The following ANO3 variants were observed in gnomAD, a reference collection of about 807,000 sequenced individuals.
ANO3 encodes anoctamin 3, also known as anoctamin-3.
A neutral mutation model predicts 144.8 loss-of-function variants in ANO3; 99 were observed. The observed-to-expected ratio is 0.68, with a 90% CI of 0.58 to 0.81. The LOEUF (loss-of-function observed/expected upper bound fraction) is 0.81. ANO3 is among the 30% of genes least tolerant of loss of function. The probability of loss-of-function intolerance (pLI) is 0.00; values close to 1 mark genes in which losing one functional copy is unlikely to be tolerated. For missense variants in ANO3, 905 were observed against 1,202.2 expected, an observed-to-expected ratio of 0.75 and a Z score of 3.66; for synonymous variants, 414 against 392.6, an observed-to-expected ratio of 1.05 and a Z score of -0.64.
At chr11:26,417,729 A>C (rs1432346580) in intron 1 of ANO3, among the ~76,000 whole-genome samples, 1 of 152,030 alleles carries the variant, frequency 6.6e-6, no homozygotes, top group East Asian at 1.9e-4. Context: ...ATGATTTTTA[A>C]AAATGAAGGC....
intron 3 of ANO3, among the ~76,000 whole-genome samples, chr11:26,447,503 C>T (rs1031468641): frequency 1.3e-5 from 2 of 152,094 alleles, no homozygotes; most frequent in Non-Finnish European, 2.9e-5. Flanking sequence ...ACACTAGCCA[C>T]AAAGGCCTTA....
At chr11:26,568,313 G>A (rs1850677495) in intron 14 of ANO3, among the ~76,000 whole-genome samples, 1 of 151,978 alleles carries the variant, frequency 6.6e-6, no homozygotes, top group South Asian at 2.1e-4. Flanking sequence ...TGTAAGTAAT[G>A]TGTCCAAGGA....
intron 1 of ANO3, among the ~76,000 whole-genome samples, chr11:26,438,647 G>C (rs1399162771): frequency 2.0e-5 from 3 of 150,484 alleles, no homozygotes; most frequent in South Asian, 2.1e-4. Flanking sequence ...GCATGGTGGC[G>C]GGCACCTGCA....
intron 4 of ANO3, among the ~76,000 whole-genome samples, chr11:26,504,176 C>T (rs971189459): frequency 5.3e-5 from 8 of 152,312 alleles, no homozygotes; most frequent in African/African-American, 1.9e-4. Flanking sequence ...TAACTAATTG[C>T]GGTGCTACTA....
chr11:26,446,412 AC>A (rs1365709471), intron 3 of ANO3, among the ~76,000 whole-genome samples: 24 of 152,170 alleles, frequency 1.6e-4, no homozygotes, highest in Admixed American at 1.6e-3. Context: ...ACAGTTAACC[AC>A]TTTGAGCTGC....
intron 1 of ANO3, among the ~76,000 whole-genome samples, chr11:26,375,840 A>C (rs1252798925): frequency 6.6e-6 from 1 of 152,144 alleles, no homozygotes; most frequent in Non-Finnish European, 1.5e-5. Flanking sequence ...CATGAAAAGA[A>C]ACAAGCAGCA....
chr11:26,249,547 G>A (rs908734516), intron 1 of ANO3, among the ~76,000 whole-genome samples: 3 of 151,640 alleles, frequency 2.0e-5, no homozygotes, highest in Non-Finnish European at 4.4e-5. Context: ...TGGTGGTTGT[G>A]CTAAATTAAC....
At chr11:26,496,122 A>G (rs1488822910) in intron 4 of ANO3, among the ~76,000 whole-genome samples, 1 of 152,106 alleles carries the variant, frequency 6.6e-6, no homozygotes, top group Admixed American at 6.6e-5. Flanking sequence ...TTTTGACTTG[A>G]TATTTTGATT....
At chr11:26,577,819 A>G (rs1851029405) in intron 14 of ANO3, among the ~76,000 whole-genome samples, 1 of 152,196 alleles carries the variant, frequency 6.6e-6, no homozygotes, top group Non-Finnish European at 1.5e-5. Context: ...ATTTGCACCC[A>G]ATTGAGTATA....
At chr11:26,320,456 GA>G (rs891401482) in intron 1 of ANO3, among the ~76,000 whole-genome samples, 1 of 152,132 alleles carries the variant, frequency 6.6e-6, no homozygotes, top group African/African-American at 2.4e-5. Context: ...AAACTACAAA[GA>G]TGTTGTATGC....
chr11:26,230,732 G>A (rs1852372907), intron 1 of ANO3, among the ~76,000 whole-genome samples: 2 of 133,354 alleles, frequency 1.5e-5, no homozygotes, highest in African/African-American at 2.8e-5. Flanking sequence ...AGAAGACAGA[G>A]GTTGCAGTGA....
intron 15 of ANO3, 81 bp from the exon 16 acceptor site, chr11:26,598,777 A>G: frequency 7.1e-7 from 1 of 1,417,918 alleles, no homozygotes; most frequent in Non-Finnish European, 9.5e-7. Flanking sequence ...GGCCAAATTT[A>G]GGAGTATCGT....
chr11:26,508,326 G>T (rs577138251), intron 5 of ANO3, 64 bp downstream of exon 5: 2 of 1,442,402 alleles, frequency 1.4e-6, no homozygotes, highest in Non-Finnish European at 1.9e-6. Context: ...ATCACTTATG[G>T]TTTAGAAAGA....
intron 1 of ANO3, among the ~76,000 whole-genome samples, chr11:26,399,558 G>A (rs1391296064): frequency 6.6e-6 from 1 of 151,640 alleles, no homozygotes; most frequent in Non-Finnish European, 1.5e-5. Context: ...TCTGGGAGTG[G>A]CAGGGAGCTC....
At chr11:26,269,502 G>A (rs765039929) in intron 1 of ANO3, among the ~76,000 whole-genome samples, 5 of 152,208 alleles carry the variant, frequency 3.3e-5, no homozygotes, top group Admixed American at 1.3e-4. Flanking sequence ...CTCCATGGGG[G>A]AAAATATGGA....
rs917301412 is a variant in ANO3 at position 26,474,016 on chromosome 11, AG to A, written c.432+10871del. 3 of 985,032 alleles carry A rather than the reference AG, an allele frequency of 3.0e-6. No homozygotes were observed. In the Admixed American group the frequency reaches 1.9e-4, roughly 61 times the overall value. 61.0% of individuals were successfully genotyped at this position (985,032 alleles called of 1,614,324 possible). The stretch of plus-strand genomic sequence containing the variant: ...GTTAATGGAAAAAGCAGGCGGTGAA[AG>A]GGAGAACTTTCAGTTGTCACACTGA... On this transcript the variant is annotated intron_variant, in intron 4 of 26. Coordinates refer to ENST00000256737, the MANE Select transcript of ANO3 (RefSeq NM_031418.4).
At chr11:26,334,815 C>G (rs527703117) in intron 1 of ANO3, among the ~76,000 whole-genome samples, 1 of 152,120 alleles carries the variant, frequency 6.6e-6, no homozygotes, top group Non-Finnish European at 1.5e-5. Context: ...AGCTCAATGT[C>G]TCTTTTAAAA....
At chr11:26,280,231 G>C (rs1853647624) in intron 1 of ANO3, among the ~76,000 whole-genome samples, 2 of 152,198 alleles carry the variant, frequency 1.3e-5, no homozygotes, top group African/African-American at 4.8e-5. Flanking sequence ...ACAAAGAGTT[G>C]TCTTGTGTCA....
chr11:26,389,771 ATTTTC>A (rs953831434), intron 1 of ANO3, among the ~76,000 whole-genome samples: 4 of 152,038 alleles, frequency 2.6e-5, no homozygotes, highest in African/African-American at 9.7e-5. Flanking sequence ...AAAAGGTATT[ATTTTC>A]TTTTTGAATA....
Sources: allele counts gnomAD v4.1 joint callset (sites outside exome capture counted in the v4.1 genomes callset), GRCh38; gene constraint gnomAD v4.1.1; transcripts MANE v1.5; gene names NCBI Gene and HGNC (gene_info 2026-07-23, HGNC 2026-07-21).